Variants in C2orf42 observed in about 807,000 individuals in gnomAD.
C2orf42 encodes the protein uncharacterized protein C2orf42.
In C2orf42, 44 loss-of-function variants were observed where a neutral mutation model predicts 58.9. The observed-to-expected ratio is 0.75, with a 90% confidence interval of 0.59 to 0.96. C2orf42 has a LOEUF of 0.96. Ranked by LOEUF, C2orf42 falls within the 40% of genes least tolerant of loss-of-function variation. The pLI is 0.00. For synonymous variants in C2orf42, 239 were observed against 265.4 expected, an observed-to-expected ratio of 0.90 and a Z score of 0.97; for missense variants, 630 against 699.2, an observed-to-expected ratio of 0.90 and a Z score of 1.12.
At chr2:70,184,300 C>G (rs1286320936) in intron 1 of C2orf42, among the ~76,000 whole-genome samples, 1 of 151,846 alleles carries the variant, frequency 6.6e-6, no homozygotes, top group Non-Finnish European at 1.5e-5. Context: ...GATCTCGATT[C>G]ACTGCAACCT....
At chr2:70,150,807 G>A (rs202089995) in intron 9 of C2orf42, among the ~76,000 whole-genome samples, 2 of 152,272 alleles carry the variant, frequency 1.3e-5, no homozygotes, top group East Asian at 3.9e-4. Context: ...GTGCAGTGGC[G>A]CAATCTCAGT....
rs1392769593 is a variant in C2orf42, at chr2:70,160,622, T to C, written c.1516+3A>G. The C allele has an allele frequency of 5.6e-6, 9 of 1,606,074 alleles. No individual in the cohort carries two copies. The highest frequency in any genetic ancestry group is 7.7e-6 in the Non-Finnish European group (9 of 1,175,920). On this transcript the variant is annotated splice_donor_region_variant and intron_variant, in intron 9 of 9. Coordinates refer to ENST00000264434, the MANE Select transcript of C2orf42 (RefSeq NM_017880.3). ...GGAAGATGCAGTTTTGAAGTTCACT[T>C]ACCAACTTTGAGAAAAGTTTTTAGT...
Position 70,164,006 on chromosome 2 carries a change from ATT to A in C2orf42, c.1353+1084_1353+1085del, listed in dbSNP as rs111670730. Among the ~76,000 whole-genome samples the A allele has an allele frequency of 8.2e-5, 12 of 146,180 alleles. No individual in the cohort carries two copies. The East Asian group carries it at 9.9e-4, about 12-fold the overall frequency. ...GCAACATAGCAAGACCCTATCTTAAATTTTTTTTTTTTTTTAATTAATAGGGT... is the reference window on the plus strand; with the variant it reads ...GCAACATAGCAAGACCCTATCTTAAATTTTTTTTTTTTTAATTAATAGGGT... On this transcript the variant is annotated intron_variant, in intron 8 of 9. Coordinates refer to ENST00000264434, the MANE Select transcript of C2orf42 (RefSeq NM_017880.3).
rs567085230 is a variant in C2orf42, at chr2:70,155,405, C to G, written c.1517-4841G>C. ...CAAACTCCTGGGCTCAAGCTATCCT[C>G]CAACCCCAGCCTCCCAAAGTGCTGG... On this transcript the variant is annotated intron_variant, in intron 9 of 9. Coordinates refer to ENST00000264434, the MANE Select transcript of C2orf42 (RefSeq NM_017880.3). Among the ~76,000 whole-genome samples, 4 of 152,270 alleles carry G rather than the reference C, an allele frequency of 2.6e-5. No homozygotes were observed. In the East Asian group the frequency reaches 7.7e-4, roughly 29 times the overall value.
intron 9 of C2orf42, among the ~76,000 whole-genome samples, chr2:70,154,997 G>A (rs544143549): frequency 6.6e-6 from 1 of 152,014 alleles, no homozygotes; most frequent in African/African-American, 2.4e-5. Flanking sequence ...CTGTAATCCA[G>A]CACTTTGGGA....
At chr2:70,185,380 C>T (rs1674861378) in intron 1 of C2orf42, among the ~76,000 whole-genome samples, 2 of 150,198 alleles carry the variant, frequency 1.3e-5, no homozygotes, top group South Asian at 2.1e-4. Context: ...TGCACTCCAG[C>T]ATGGGTGACA....
At chr2:70,162,333 CTTTTT>C (rs1673104711) in intron 8 of C2orf42, among the ~76,000 whole-genome samples, 2 of 148,844 alleles carry the variant, frequency 1.3e-5, no homozygotes, top group South Asian at 2.1e-4. Flanking sequence ...TTCTTTCTTT[CTTTTT>C]ATTTTTTTAA....
chr2:70,181,677 A>C lies in C2orf42; in HGVS notation c.309T>G (p.Asp103Glu). ...AGCTCAGCTGAGTGATGATCGTCCC[A>C]TCCACTGTCTGGATTGTTGTCTCTG... ...GVSETTIQTVDGTIITQLSSG... is the reference protein window; with the variant it reads ...GVSETTIQTVEGTIITQLSSG... Residue 103 changes from aspartate (D) to glutamate (E), a missense_variant, in exon 3 of 10, where the codon GAT becomes GAG. Coordinates refer to ENST00000264434, the MANE Select transcript of C2orf42 (RefSeq NM_017880.3). 1.9e-6 allele frequency: 3 copies of C among 1,614,168 alleles called. No homozygotes were observed. The highest frequency in any genetic ancestry group is 2.5e-6 in the Non-Finnish European group (3 of 1,180,032).
In C2orf42 at chr2:70,181,666, A is replaced by G; in HGVS notation, c.320T>C (p.Ile107Thr). ...TTIQTVDGTIITQLSSGRCYV... is the reference protein window; with the variant it reads ...TTIQTVDGTITTQLSSGRCYV... The stretch of plus-strand genomic sequence containing the variant: ...ACACCGTCCAGAGCTCAGCTGAGTG[A>G]TGATCGTCCCATCCACTGTCTGGAT... Residue 107 changes from isoleucine to threonine, a missense_variant, in exon 3 of 10, where the codon ATC becomes ACC. By Grantham distance (89) the Ile-to-Thr change is moderately conservative. Coordinates refer to ENST00000264434, the MANE Select transcript of C2orf42 (RefSeq NM_017880.3). The G allele has an allele frequency of 1.2e-6, 2 of 1,614,112 alleles. No homozygotes were observed. The highest frequency in any genetic ancestry group is 2.7e-5 in the African/African-American group (2 of 75,040).
chr2:70,187,744 G>A (rs949791345), intron 1 of C2orf42, among the ~76,000 whole-genome samples: 5 of 151,902 alleles, frequency 3.3e-5, no homozygotes, highest in African/African-American at 1.2e-4. Context: ...AGGCTGGAGT[G>A]CAGTGGCGTG....
At chr2:70,155,553 C>T (rs1367334215) in intron 9 of C2orf42, among the ~76,000 whole-genome samples, 4 of 152,088 alleles carry the variant, frequency 2.6e-5, no homozygotes, top group African/African-American at 9.7e-5. Context: ...AATCCCAGCA[C>T]TTTGGGAGGC....
intron 5 of C2orf42, among the ~76,000 whole-genome samples, chr2:70,170,133 T>G (rs1673701913): frequency 6.7e-6 from 1 of 150,142 alleles, no homozygotes; most frequent in South Asian, 2.1e-4. Context: ...GCAATCCACC[T>G]GCCTCAGCCT....
At chr2:70,166,504 A>C (rs1468223661) in intron 6 of C2orf42, among the ~76,000 whole-genome samples, 2 of 119,290 alleles carry the variant, frequency 1.7e-5, no homozygotes, top group Non-Finnish European at 3.3e-5. Flanking sequence ...CATCTCTACT[A>C]AAAAAAAAAA....
intron 5 of C2orf42, among the ~76,000 whole-genome samples, chr2:70,174,169 A>T (rs1383219203): frequency 6.6e-6 from 1 of 152,012 alleles, no homozygotes; most frequent in Non-Finnish European, 1.5e-5. Flanking sequence ...TTAGCCGGGC[A>T]TGGTGGCGTG....
chr2:70,171,114 C>CA (rs5832002), intron 5 of C2orf42, among the ~76,000 whole-genome samples: 28,848 of 142,146 alleles, frequency 0.2, 3,890 homozygotes, highest in African/African-American at 0.4. Context: ...GACTCCATCT[C>CA]AAAAAAAAAA....
intron 9 of C2orf42, among the ~76,000 whole-genome samples, chr2:70,153,101 CAATTTGGGTGT>C (rs2104821009): frequency 6.6e-6 from 1 of 151,516 alleles, no homozygotes; most frequent in South Asian, 2.1e-4. Context: ...ACTAGTAAAG[CAATTTGGGTGT>C]GAGAAGGAGG....
At chr2:70,158,275 G>C (rs1379468372) in intron 9 of C2orf42, among the ~76,000 whole-genome samples, 1 of 151,302 alleles carries the variant, frequency 6.6e-6, no homozygotes, top group Non-Finnish European at 1.5e-5. Flanking sequence ...TGGAAACTAA[G>C]AATATGAAGA....
intron 8 of C2orf42, 85 bp from the exon 9 acceptor site, chr2:70,160,872 T>C (rs1255905689): frequency 5.0e-6 from 4 of 800,092 alleles, no homozygotes; most frequent in Non-Finnish European, 7.6e-6. Flanking sequence ...AATCTTTTAT[T>C]ATTCCTTCTT....
At chr2:70,152,672 C>T (rs1365414136) in intron 9 of C2orf42, among the ~76,000 whole-genome samples, 1 of 152,174 alleles carries the variant, frequency 6.6e-6, no homozygotes, top group Non-Finnish European at 1.5e-5. Flanking sequence ...CACACACACC[C>T]CTCCCCACTC....
Sources: allele counts gnomAD v4.1 joint callset (sites outside exome capture counted in the v4.1 genomes callset), GRCh38; gene constraint gnomAD v4.1.1; transcripts MANE v1.5; gene names NCBI Gene and HGNC (gene_info 2026-07-23, HGNC 2026-07-21).